Variants in MTAP observed in about 807,000 individuals in gnomAD.
MTAP encodes S-methyl-5'-thioadenosine phosphorylase.
Under a neutral mutation model 33.6 loss-of-function variants are expected in MTAP, and 33 were observed. The observed-to-expected ratio is 0.98, with a 90% CI of 0.74 to 1.31. The LOEUF is 1.31. Ranked by LOEUF, MTAP falls within the 40% of genes most tolerant of loss-of-function variation. The pLI is 0.00. For missense variants in MTAP, 367 were observed against 360.0 expected (o/e 1.02, Z -0.16); for synonymous variants, 148 against 125.7 (o/e 1.18, Z -1.19).
chr9:21,880,704 C>G (rs1472824459), intron 1 of MTAP, among the ~76,000 whole-genome samples: 2 of 151,936 alleles, frequency 1.3e-5, no homozygotes, highest in East Asian at 3.9e-4. Flanking sequence ...AAAATAACTG[C>G]AAAACATACT....
At chr9:21,877,169 T>C (rs1826024253) in intron 1 of MTAP, among the ~76,000 whole-genome samples, 1 of 152,116 alleles carries the variant, frequency 6.6e-6, no homozygotes, top group African/African-American at 2.4e-5. Context: ...TTGACTGTCA[T>C]TGGTGTATAG....
intron 5 of MTAP, among the ~76,000 whole-genome samples, chr9:21,839,521 C>A (rs533352096): frequency 6.6e-6 from 1 of 152,214 alleles, no homozygotes. Flanking sequence ...AAATGTGGGT[C>A]TGTGGTGATA....
chr9:21,874,887 C>A (rs922404095), intron 1 of MTAP, among the ~76,000 whole-genome samples: 1 of 151,954 alleles, frequency 6.6e-6, no homozygotes, highest in African/African-American at 2.4e-5. Context: ...ATGTTCCCCT[C>A]CCTGTGTCCA....
intron 4 of MTAP, among the ~76,000 whole-genome samples, chr9:21,824,959 A>G (rs1449240544): frequency 6.6e-6 from 1 of 152,136 alleles, no homozygotes; most frequent in Non-Finnish European, 1.5e-5. Flanking sequence ...AAAGCACAGT[A>G]TTAGGGTGGC....
Position 21,922,079 on chromosome 9 carries a change from C to A in MTAP, c.148-8929C>A, listed in dbSNP as rs73440483. ...TATGGAAAACACTTGAAGCCGGTGG[C>A]CAACAGCTTCCCAATAAGGAGCTGA... On this transcript the variant is annotated intron_variant, in intron 1 of 1. Transcript: ENST00000577563. The surrounding 1 kb of genome is among the most constrained non-coding windows in gnomAD (Gnocchi z 4.8). 5.3e-3 allele frequency among the ~76,000 whole-genome samples: 807 copies of A among 152,110 alleles called. 6 individuals carry two copies. The highest frequency in any genetic ancestry group is 0.018 in the African/African-American group (753 of 41,486).
At chr9:21,901,046 T>C (rs1012317266) in intron 1 of MTAP, among the ~76,000 whole-genome samples, 1 of 152,174 alleles carries the variant, frequency 6.6e-6, no homozygotes, top group East Asian at 1.9e-4. Context: ...GAGTTAGGAT[T>C]GAAAAACTAC....
At chr9:21,803,783 T>TTC (rs1413939182) in intron 1 of MTAP, among the ~76,000 whole-genome samples, 1 of 152,062 alleles carries the variant, frequency 6.6e-6, no homozygotes, top group African/African-American at 2.4e-5. Context: ...GTCTGCGATC[T>TTC]TCTCCAAAGC....
intron 5 of MTAP, among the ~76,000 whole-genome samples, chr9:21,852,990 T>A (rs1320404636): frequency 6.6e-6 from 1 of 152,200 alleles, no homozygotes; most frequent in Non-Finnish European, 1.5e-5. Flanking sequence ...CATCTTAAAC[T>A]CAGACCTGGA....
Position 21,820,022 on chromosome 9 carries a change from T to A in MTAP, c.347+1820T>A, listed in dbSNP as rs201226357. On this transcript the variant is annotated intron_variant, in intron 4 of 7. Transcript: ENST00000644715. ...TTTTCTTGTAACTTTGTTTGAGTTC[T>A]TTGTAGATTCTGGATATTAGCCCTT... 3.1e-4 allele frequency among the ~76,000 whole-genome samples: 47 copies of A among 152,308 alleles called. No individual in the cohort carries two copies. In the East Asian group the frequency reaches 8.9e-3, roughly 29 times the overall value.
chr9:21,859,240 A>G (rs779532593), intron 6 of MTAP, 63 bp from the exon 7 acceptor site: 8 of 1,551,280 alleles, frequency 5.2e-6, no homozygotes, highest in Non-Finnish European at 6.9e-6. Flanking sequence ...GCTCAGAAAA[A>G]TGTTTTATGA....
downstream of MTAP, among the ~76,000 whole-genome samples, chr9:21,940,566 C>G (rs986335303): frequency 2.0e-5 from 3 of 152,144 alleles, no homozygotes; most frequent in African/African-American, 7.2e-5. Context: ...TTCTACCGAG[C>G]TGACTACAAA....
downstream of MTAP, chr9:21,931,346 A>T (rs1022406682): frequency 5.3e-6 from 3 of 561,316 alleles, no homozygotes; most frequent in Non-Finnish European, 9.5e-6. Flanking sequence ...TTAGGCAGAC[A>T]TGAGTAAGGG....
chr9:21,873,779 C>T (rs867766317), intron 1 of MTAP, among the ~76,000 whole-genome samples: 1 of 151,882 alleles, frequency 6.6e-6, no homozygotes. Flanking sequence ...GAACAACAGT[C>T]GTACTAAATG....
chr9:21,854,583 T>G, intron 5 of MTAP, 48 bp from the exon 6 acceptor site: 4 of 1,500,228 alleles, frequency 2.7e-6, no homozygotes, highest in Non-Finnish European at 2.7e-6. Flanking sequence ...CAGCCTTAAG[T>G]TGTGCATGTG....
Position 21,865,383 on chromosome 9 carries a change from C to T in MTAP, c.*3369C>T. On this transcript the variant is annotated 3_prime_UTR_variant, in exon 8 of 8. Coordinates refer to ENST00000644715, the MANE Select transcript of MTAP (RefSeq NM_002451.4). ...ACTGTGAGTTAATTAAACCTCTTTC[C>T]TTTATAAATTACCCAGTCATGGGCA... 3.2e-6 allele frequency: 3 copies of T among 946,390 alleles called. No homozygotes were observed. Among genetic ancestry groups the T allele is most frequent in the Non-Finnish European group, 3.8e-6 (3 of 794,428 alleles). The allele number at this position is 946,390 out of a possible 1,614,324, so 58.6% of individuals were successfully genotyped here.
intron 1 of MTAP, among the ~76,000 whole-genome samples, chr9:21,896,410 A>G (rs572734566): frequency 1.3e-5 from 2 of 152,310 alleles, no homozygotes; most frequent in East Asian, 3.9e-4. Context: ...GGAGATAAAG[A>G]CACCAAAAAA....
intron 4 of MTAP, among the ~76,000 whole-genome samples, chr9:21,833,849 A>C (rs2118270794): frequency 6.6e-6 from 1 of 152,306 alleles, no homozygotes; most frequent in South Asian, 2.1e-4. Context: ...CCAATGTAAG[A>C]GTCTTGATTC....
At chr9:21,884,518 G>T (rs1360014691) in intron 1 of MTAP, among the ~76,000 whole-genome samples, 1 of 152,178 alleles carries the variant, frequency 6.6e-6, no homozygotes, top group African/African-American at 2.4e-5. Flanking sequence ...TAGACTGGAT[G>T]CCTTAAACAA....
At chr9:21,861,753 A>G (rs1417292665) in intron 7 of MTAP, 11 of 575,622 alleles carry the variant, frequency 1.9e-5, no homozygotes, top group Non-Finnish European at 3.4e-5. Flanking sequence ...AGCATTATTA[A>G]CCTCACTTTA....
Sources: allele counts gnomAD v4.1 joint callset (sites outside exome capture counted in the v4.1 genomes callset), GRCh38; gene constraint gnomAD v4.1.1; non-coding constraint Gnocchi (gnomAD v3.1); transcripts MANE v1.5; gene names NCBI Gene and HGNC (gene_info 2026-07-23, HGNC 2026-07-21).